The following TRIO variants were observed in gnomAD, a reference collection of about 807,000 sequenced individuals.
The protein encoded by TRIO is trio Rho guanine nucleotide exchange factor, also known as triple functional domain protein.
Under a neutral mutation model 351.9 loss-of-function variants are expected in TRIO, and 58 were observed. That is an observed-to-expected ratio of 0.16 (90% CI 0.13 to 0.21). The LOEUF is 0.21. Among genes scored for constraint, TRIO ranks in the 10% least tolerant of loss-of-function variants. TRIO has a pLI of 1.00. For missense variants in TRIO, 3,201 were observed against 4,027.8 expected (o/e 0.79, Z 5.56); for synonymous variants, 1,758 against 1,595.7 (o/e 1.10, Z -2.42).
intron 47 of TRIO, 78 bp downstream of exon 47, chr5:14,485,324 A>G: frequency 1.4e-6 from 2 of 1,424,482 alleles, no homozygotes; most frequent in Non-Finnish European, 9.4e-7. Context: ...TCTCCCATTC[A>G]TATCCATAGT....
chr5:14,419,256 G>A (rs924770877), intron 33 of TRIO, among the ~76,000 whole-genome samples: 5 of 152,188 alleles, frequency 3.3e-5, no homozygotes, highest in Middle Eastern at 6.8e-3. Context: ...TGGACAAGCA[G>A]GAGGAGGCGC....
intron 55 of TRIO, among the ~76,000 whole-genome samples, chr5:14,505,263 A>C (rs575828611): frequency 2.7e-4 from 41 of 152,358 alleles, no homozygotes; most frequent in African/African-American, 9.4e-4. Context: ...GCTGGGGGTG[A>C]GTCCGGCAGG....
At chr5:14,336,833 C>T in intron 11 of TRIO, 106 bp downstream of exon 11, 2 of 1,278,966 alleles carry the variant, frequency 1.6e-6, no homozygotes, top group Middle Eastern at 2.6e-4. Flanking sequence ...ACAAAGGTGG[C>T]AAGTTGTAAG....
chr5:14,289,953 C>G (rs1345032895), intron 4 of TRIO, among the ~76,000 whole-genome samples: 3 of 152,208 alleles, frequency 2.0e-5, no homozygotes, highest in African/African-American at 4.8e-5. Flanking sequence ...ATATACAACT[C>G]TAGGACTGTT....
intron 55 of TRIO, among the ~76,000 whole-genome samples, chr5:14,505,574 G>A (rs1398830885): frequency 6.6e-6 from 1 of 152,162 alleles, no homozygotes; most frequent in Non-Finnish European, 1.5e-5. Context: ...TCGCCGGCAG[G>A]AACTCCCTCC....
chr5:14,389,525 C>T, intron 25 of TRIO, 127 bp downstream of exon 25: 1 of 632,390 alleles, frequency 1.6e-6, no homozygotes, highest in Middle Eastern at 3.0e-4. Context: ...TGAATGAAGC[C>T]TATCAGTCTT....
rs967030574 is a variant in TRIO, at chr5:14,362,032, T to G, written c.2392-1700T>G. On this transcript the variant is annotated intron_variant, in intron 13 of 56. Coordinates refer to ENST00000344204, the MANE Select transcript of TRIO (RefSeq NM_007118.4). ...GGGAGACTGAGACAGGAGAATTGCTTGAACCCCAGAGGCAGAGGTTGCCAT... is the reference window on the plus strand; with the variant it reads ...GGGAGACTGAGACAGGAGAATTGCTGGAACCCCAGAGGCAGAGGTTGCCAT... Among the ~76,000 whole-genome samples, 3 of 152,162 alleles carry G rather than the reference T, an allele frequency of 2.0e-5. No individual in the cohort carries two copies. In the East Asian group the frequency reaches 5.8e-4, roughly 29 times the overall value.
chr5:14,479,826 C>T, intron 42 of TRIO, 93 bp from the exon 43 acceptor site: 1 of 1,115,466 alleles, frequency 9.0e-7, no homozygotes, highest in African/African-American at 1.5e-5. Context: ...ACTTTTACTG[C>T]CAGTGTTGTA....
chr5:14,487,716 C>T lies in TRIO; in HGVS notation c.7088C>T (p.Ala2363Val). Residue 2363 changes from alanine (A) to valine (V), a missense_variant, in exon 48 of 57, where the codon GCA becomes GTA. Ala to Val is a moderately conservative substitution (Grantham distance 64). Coordinates refer to ENST00000344204, the MANE Select transcript of TRIO (RefSeq NM_007118.4). ...TCTGCAGCCTCGAGCCAGGCAGAGG[C>T]AGACAAGATGTCAGGTACGTCCACC... ...VSSAASSQAE[A>V]DKMSGTSTPG... The T allele has an allele frequency of 6.9e-7, 1 of 1,442,324 alleles. No homozygotes were observed. Among genetic ancestry groups the T allele is most frequent in the Non-Finnish European group, 9.2e-7 (1 of 1,088,348 alleles). 89.3% of individuals were successfully genotyped at this position (1,442,324 alleles called of 1,614,324 possible).
chr5:14,251,203 C>T (rs1024893620), intron 1 of TRIO, among the ~76,000 whole-genome samples: 6 of 152,054 alleles, frequency 3.9e-5, no homozygotes, highest in African/African-American at 1.4e-4. Context: ...TACAAGGTTT[C>T]CTTGATTTCA....
chr5:14,479,061 G>A (rs1260917109), intron 41 of TRIO, among the ~76,000 whole-genome samples, 200 bp from the exon 42 acceptor site: 1 of 152,140 alleles, frequency 6.6e-6, no homozygotes, highest in Non-Finnish European at 1.5e-5. Context: ...GAGAGTGATG[G>A]GGGAAGGACT....
chr5:14,171,481 C>T (rs917996636), intron 1 of TRIO, among the ~76,000 whole-genome samples: 18 of 152,054 alleles, frequency 1.2e-4, no homozygotes, highest in African/African-American at 4.1e-4. Flanking sequence ...GCTGATGAGC[C>T]GGAGGTCAAA....
Position 14,316,740 on chromosome 5 carries a change from G to A in TRIO, c.1728G>A (p.Gln576=). 6.2e-7 allele frequency: 1 copy of A among 1,613,040 alleles called. No homozygotes were observed. The highest frequency in any genetic ancestry group is 8.5e-7 in the Non-Finnish European group (1 of 1,179,428). Residue 576 remains glutamine (Q), a synonymous_variant, in exon 9 of 57, where the codon CAG becomes CAA. Coordinates refer to ENST00000344204, the MANE Select transcript of TRIO (RefSeq NM_007118.4). ...LQLCVFQQDV[Q]QVLDWIENHG... ...TGTGTGTTTTCCAGCAGGACGTTCA[G>A]CAGGTCAGTTTCGCCTCATGCCCTT...
At position 14,422,468 on chromosome 5, in the gene TRIO, A is replaced by G. The variant is rs146178833; in HGVS notation, c.5203+2447A>G. Among the ~76,000 whole-genome samples the G allele has an allele frequency of 1.2e-3, 184 of 152,304 alleles. 1 individual carries two copies. Among genetic ancestry groups the G allele is most frequent in the Non-Finnish European group, 2.2e-3 (150 of 68,026 alleles). ...CATTTTTATGTCAAATGTAAAAAAC[A>G]TGCCTATTAAGGTCAAATGACTATT... is the stretch of plus-strand genomic sequence containing the variant. On this transcript the variant is annotated intron_variant, in intron 34 of 56. Transcript: ENST00000344204.
intron 1 of TRIO, among the ~76,000 whole-genome samples, chr5:14,144,360 A>T (rs1233422908): frequency 6.6e-6 from 1 of 151,896 alleles, no homozygotes; most frequent in Non-Finnish European, 1.5e-5. Context: ...GCTGATTTGT[A>T]CCTGGACCCT....
intron 43 of TRIO, 107 bp from the exon 44 acceptor site, chr5:14,481,127 A>G: frequency 8.1e-7 from 1 of 1,229,634 alleles, no homozygotes; most frequent in East Asian, 2.4e-5. Flanking sequence ...GGAGTTCAAG[A>G]CCAGCTTGAG....
chr5:14,296,017 T>C (rs1393627092), intron 6 of TRIO, among the ~76,000 whole-genome samples: 1 of 152,200 alleles, frequency 6.6e-6, no homozygotes, highest in Non-Finnish European at 1.5e-5. Flanking sequence ...AGTGAGTTCT[T>C]TCAGCTGCTT....
intron 1 of TRIO, among the ~76,000 whole-genome samples, chr5:14,228,266 G>A (rs1413542836): frequency 6.6e-6 from 1 of 152,252 alleles, no homozygotes; most frequent in Non-Finnish European, 1.5e-5. Context: ...ATGGGGCACA[G>A]AATGGACAGA....
intron 6 of TRIO, among the ~76,000 whole-genome samples, chr5:14,295,355 T>C (rs1737258885): frequency 1.3e-5 from 2 of 152,240 alleles, no homozygotes; most frequent in African/African-American, 2.4e-5. Flanking sequence ...CATTACCATA[T>C]TGATGTCCAG....
Sources: gnomAD v4.1 joint callset for allele counts (sites outside exome capture counted in the v4.1 genomes callset) on GRCh38, gnomAD v4.1.1 for gene constraint, MANE v1.5 for transcripts, NCBI Gene and HGNC (gene_info 2026-07-23, HGNC 2026-07-21) for gene names.